PCDHA6: variants seen among roughly 807,000 people sequenced by gnomAD.
PCDHA6 encodes protocadherin alpha-6.
PCDHA6 carries 55 observed loss-of-function variants against 60.3 expected under a neutral mutation model. That is an observed-to-expected ratio of 0.91 (90% CI 0.73 to 1.14). PCDHA6 has a LOEUF of 1.14. PCDHA6 is among the 50% of genes most tolerant of loss of function. PCDHA6 has a pLI of 0.00. For missense variants in PCDHA6, 1,327 were observed against 1,256.5 expected (o/e 1.06, Z -0.85); for synonymous variants, 652 against 557.9 (o/e 1.17, Z -2.38).
At chr5:140,869,084 G>A (rs2050835199) in intron 1 of PCDHA6, 1 of 1,583,106 alleles carries the variant, frequency 6.3e-7, no homozygotes, top group African/African-American at 1.4e-5. Context: ...AGCTTATTTT[G>A]GAAGCCAATT....
At chr5:140,836,252 C>T (rs2150256494) in intron 1 of PCDHA6, 2 of 1,613,762 alleles carry the variant, frequency 1.2e-6, no homozygotes, top group Admixed American at 1.7e-5. Context: ...TCCCGTTCCG[C>T]GTGGGGCTGT....
chr5:140,987,523 T>C (rs942927324), intron 3 of PCDHA6, among the ~76,000 whole-genome samples: 1 of 152,174 alleles, frequency 6.6e-6, no homozygotes, highest in Non-Finnish European at 1.5e-5. Context: ...AGTAATTGTA[T>C]GTTCCTGGGA....
At position 141,010,334 on chromosome 5, in the gene PCDHA6, T is replaced by C; in HGVS notation, c.*397T>C. On this transcript the variant is annotated 3_prime_UTR_variant, in exon 4 of 4. Transcript: ENST00000529310. The stretch of plus-strand genomic sequence containing the variant: ...TGAGATTGAGCAGCTTGGGAGTTTG[T>C]GGCCACTGGGTATGTGTGGCTACCG... The C allele has an allele frequency of 2.0e-6, 3 of 1,537,004 alleles. No homozygotes were observed. The East Asian group carries it at 7.4e-5, about 38-fold the overall frequency.
At chr5:140,887,538 A>AC (rs1554183096) in intron 1 of PCDHA6, among the ~76,000 whole-genome samples, 1 of 151,216 alleles carries the variant, frequency 6.6e-6, no homozygotes, top group Admixed American at 6.6e-5. Flanking sequence ...TCCTCTCCCC[A>AC]CCCCTCATGG....
In PCDHA6 at chr5:140,869,280, G is replaced by A. The variant is rs1294171258; in HGVS notation, c.2394+38795G>A. 8 of 1,613,486 alleles carry A rather than the reference G, an allele frequency of 5.0e-6. No individual in the cohort carries two copies. In the African/African-American group the frequency reaches 8.0e-5, roughly 16 times the overall value. On this transcript the variant is annotated intron_variant, in intron 1 of 3. Transcript: ENST00000529310. ...ACCTGGGGCTGGAGCTGGCGGAGCT[G>A]GTGCAGCGCCTGTTCCGGGTGGCGT...
chr5:140,861,442 G>A (rs251368), intron 1 of PCDHA6: 2 of 490,042 alleles, frequency 4.1e-6, no homozygotes, highest in African/African-American at 3.9e-5. Flanking sequence ...TCCAAAAGCC[G>A]CAGAAACCTT....
At chr5:140,877,274 C>G (rs781933102) in intron 1 of PCDHA6, 1 of 1,613,856 alleles carries the variant, frequency 6.2e-7, no homozygotes, top group South Asian at 1.1e-5. Context: ...GACGCTGACT[C>G]CGGCTATAAC....
intron 1 of PCDHA6, among the ~76,000 whole-genome samples, chr5:140,950,992 G>A (rs2094539287): frequency 6.6e-6 from 1 of 151,384 alleles, no homozygotes; most frequent in Admixed American, 6.6e-5. Flanking sequence ...GCCTCTTTTA[G>A]CTCCATTTTT....
At chr5:140,895,138 G>C (rs782496234) in intron 1 of PCDHA6, among the ~76,000 whole-genome samples, 14 of 151,944 alleles carry the variant, frequency 9.2e-5, no homozygotes, top group Non-Finnish European at 1.8e-4. Flanking sequence ...AAGTTCATAG[G>C]GCTAAGACAG....
chr5:140,881,463 T>C, intron 1 of PCDHA6: 1 of 599,796 alleles, frequency 1.7e-6, no homozygotes, highest in Non-Finnish European at 2.1e-6. Flanking sequence ...CCTTAGAGCA[T>C]TGTTGTGGCT....
chr5:140,857,821 T>C, intron 1 of PCDHA6: 2 of 1,597,642 alleles, frequency 1.3e-6, no homozygotes, highest in South Asian at 2.2e-5. Flanking sequence ...ACGTGGTGGC[T>C]AAGGTGCGCG....
intron 1 of PCDHA6, among the ~76,000 whole-genome samples, chr5:140,923,179 G>T (rs982663028): frequency 3.3e-5 from 5 of 152,130 alleles, no homozygotes; most frequent in Admixed American, 1.3e-4. Flanking sequence ...TTGTTCAGAT[G>T]CATCTACTGC....
intron 1 of PCDHA6, chr5:140,843,081 C>T (rs2150352051): frequency 1.3e-6 from 2 of 1,595,422 alleles, no homozygotes; most frequent in Admixed American, 1.7e-5. Flanking sequence ...TCTGTGGGCG[C>T]GGGCCACGTG....
At chr5:140,887,333 T>A (rs1214047567) in intron 1 of PCDHA6, among the ~76,000 whole-genome samples, 1 of 152,174 alleles carries the variant, frequency 6.6e-6, no homozygotes, top group African/African-American at 2.4e-5. Context: ...CCTGACCTCG[T>A]GATCCACCTG....
chr5:140,842,408 G>T, intron 1 of PCDHA6: 4 of 1,612,322 alleles, frequency 2.5e-6, no homozygotes, highest in Non-Finnish European at 3.4e-6. Flanking sequence ...ACGTGAAGAC[G>T]CTCAATTTGG....
chr5:140,916,979 G>A (rs1280720524), intron 1 of PCDHA6, among the ~76,000 whole-genome samples: 1 of 152,144 alleles, frequency 6.6e-6, no homozygotes, highest in African/African-American at 2.4e-5. Flanking sequence ...TGAGTGATTC[G>A]CCTCTGGCCA....
intron 1 of PCDHA6, chr5:140,847,563 C>T (rs1288728812): frequency 1.3e-5 from 2 of 148,928 alleles, no homozygotes; most frequent in African/African-American, 2.5e-5. Context: ...GAAATTGCCC[C>T]GAGTACTAAG....
rs1393449326 is a variant in PCDHA6, at chr5:140,836,217, C to A, written c.2394+5732C>A. On this transcript the variant is annotated intron_variant, in intron 1 of 3. Transcript: ENST00000529310. ...CAACGCGTGGCTTTCGTATGAGTTG[C>A]AACCGGTGGCGGCCGGTGCGAGCAT... The A allele has an allele frequency of 1.2e-6, 2 of 1,613,820 alleles. 1 individual carries two copies. The highest frequency in any genetic ancestry group is 2.7e-5 in the African/African-American group (2 of 74,978).
Position 140,856,765 on chromosome 5 carries a change from T to C in PCDHA6, c.2394+26280T>C, listed in dbSNP as rs1554149084. On this transcript the variant is annotated intron_variant, in intron 1 of 3. Transcript: ENST00000529310. ...TGTTAGATGCCAATGATAACGCCCCTATCTTTGACAGACCGGTTTATGAAG... is the reference window on the plus strand; with the variant it reads ...TGTTAGATGCCAATGATAACGCCCCCATCTTTGACAGACCGGTTTATGAAG... The C allele has an allele frequency of 2.5e-6, 4 of 1,596,946 alleles. No homozygotes were observed. In the South Asian group the frequency reaches 4.4e-5, roughly 18 times the overall value.
Sources: allele counts gnomAD v4.1 joint callset (sites outside exome capture counted in the v4.1 genomes callset), GRCh38; gene constraint gnomAD v4.1.1; transcripts MANE v1.5; gene names NCBI Gene and HGNC (gene_info 2026-07-23, HGNC 2026-07-21).